DOCK9: variants seen among roughly 807,000 people sequenced by gnomAD.
The protein encoded by DOCK9 is dedicator of cytokinesis 9.
In DOCK9, 89 loss-of-function variants were observed where a neutral mutation model predicts 263.3. The ratio of observed to expected loss-of-function variants is 0.34; its 90% CI spans 0.28 to 0.40. The LOEUF is 0.40. Ranked by LOEUF, DOCK9 falls within the 10% of genes least tolerant of loss-of-function variation. The pLI is 1.00. For missense variants in DOCK9, 2,140 were observed against 2,603.4 expected, an observed-to-expected ratio of 0.82 and a Z score of 3.87; for synonymous variants, 976 against 973.1, an observed-to-expected ratio of 1.00 and a Z score of -0.06.
At chr13:99,011,671 G>A (rs903943031) in intron 1 of DOCK9, among the ~76,000 whole-genome samples, 3 of 152,176 alleles carry the variant, frequency 2.0e-5, no homozygotes, top group Admixed American at 2.0e-4. Context: ...ATAGCCCTAT[G>A]AGGCAAGTAC....
At position 98,955,446 on chromosome 13, in the gene DOCK9, C is replaced by A; in HGVS notation, c.232G>T (p.Asp78Tyr). The A allele has an allele frequency of 1.4e-5, 22 of 1,584,270 alleles. No homozygotes were observed. The highest frequency in any genetic ancestry group is 1.9e-5 in the Non-Finnish European group (22 of 1,163,094). ...CLREMLLFPY[D>Y]DFQTAILRRQ... is the part of the protein sequence containing the mutation. ...ATAACGTTACTTACCTGAAAGTCAT[C>A]GTAAGGGAAGAGCAGCATCTCCCGT... The change falls in exon 2 of 53, where the codon GAT becomes TAT. Residue 78 changes from aspartate (D) to tyrosine (Y), a missense_variant. Physicochemically the swap from Asp to Tyr is radical, Grantham distance 160. Coordinates refer to ENST00000682017, the MANE Select transcript of DOCK9 (RefSeq NM_001366683.2).
chr13:98,799,377 T>C (rs1354971140), intron 50 of DOCK9, among the ~76,000 whole-genome samples: 1 of 152,178 alleles, frequency 6.6e-6, no homozygotes, highest in Non-Finnish European at 1.5e-5. Context: ...TGAACAAACA[T>C]GTGCTTGAAC....
At chr13:99,032,104 C>T (rs1218465042) in intron 1 of DOCK9, among the ~76,000 whole-genome samples, 1 of 152,132 alleles carries the variant, frequency 6.6e-6, no homozygotes, top group Admixed American at 6.5e-5. Flanking sequence ...CTGGAGGTCA[C>T]CAGGAGATCA....
chr13:99,079,366 C>A (rs1336657950), intron 1 of DOCK9, among the ~76,000 whole-genome samples: 1 of 152,096 alleles, frequency 6.6e-6, no homozygotes, highest in Non-Finnish European at 1.5e-5. Context: ...ACTCAGCCCC[C>A]ATACCTACAC....
intron 15 of DOCK9, among the ~76,000 whole-genome samples, chr13:98,890,782 A>G (rs2046502216): frequency 6.6e-6 from 1 of 152,182 alleles, no homozygotes; most frequent in Non-Finnish European, 1.5e-5. Flanking sequence ...TAAAATTTCT[A>G]AATTCCTGCA....
intron 48 of DOCK9, among the ~76,000 whole-genome samples, chr13:98,807,250 C>A (rs1045158816): frequency 2.6e-5 from 4 of 152,188 alleles, no homozygotes; most frequent in African/African-American, 9.7e-5. Flanking sequence ...CTTGGCCTGT[C>A]CATGTGTCCA....
Position 98,902,982 on chromosome 13 carries a change from G to C in DOCK9, c.1166C>G (p.Pro389Arg), listed in dbSNP as rs1321352719. ...AAAATGAAAAATTACATTTGTAGTG[G>C]GTCCTTCTTCATTTTCGGCAACACA... The part of the protein sequence containing the change: ...QCCVAENEEG[P>R]TTNVEPFFVT... Residue 389 changes from proline to arginine, a missense_variant, in exon 11 of 53, where the codon CCC becomes CGC. By Grantham distance (103) the Pro-to-Arg change is moderately radical. Around this residue, in one of 2 missense-constraint regions of DOCK9, gnomAD observed 1,521 missense variants for 1,741.7 expected, o/e 0.87. Coordinates refer to ENST00000682017, the MANE Select transcript of DOCK9 (RefSeq NM_001366683.2). The C allele has an allele frequency of 1.3e-6, 2 of 1,507,492 alleles. No homozygotes were observed. Among genetic ancestry groups the C allele is most frequent in the African/African-American group, 1.4e-5 (1 of 69,952 alleles). The allele number at this position is 1,507,492 out of a possible 1,614,324, so 93.4% of individuals were successfully genotyped here. A position where few individuals can be genotyped will look rare whatever the true frequency, so the allele number is the denominator to read the frequency against.
chr13:98,971,625 A>G (rs1278052642), intron 1 of DOCK9, among the ~76,000 whole-genome samples: 2 of 151,888 alleles, frequency 1.3e-5, no homozygotes, highest in East Asian at 1.9e-4. Context: ...GGAGAATGGC[A>G]TGAACCCGGA....
intron 1 of DOCK9, among the ~76,000 whole-genome samples, chr13:99,035,994 A>G (rs1887832061): frequency 6.6e-6 from 1 of 152,150 alleles, no homozygotes; most frequent in Non-Finnish European, 1.5e-5. Flanking sequence ...TTGCAACATC[A>G]GCTCTTCTCT....
chr13:98,846,447 A>T, intron 37 of DOCK9: 2 of 1,183,104 alleles, frequency 1.7e-6, no homozygotes, highest in Middle Eastern at 2.2e-4. Flanking sequence ...TTAATTAAAA[A>T]ATGCATTGGA....
chr13:99,060,780 G>A (rs1459277174), intron 1 of DOCK9, among the ~76,000 whole-genome samples: 1 of 152,116 alleles, frequency 6.6e-6, no homozygotes, highest in African/African-American at 2.4e-5. Flanking sequence ...CACTATACTG[G>A]AACTGTCTGA....
At chr13:98,857,670 T>G (rs1344913097) in intron 33 of DOCK9, 1 of 152,216 alleles carries the variant, frequency 6.6e-6, no homozygotes, top group Non-Finnish European at 1.5e-5. Flanking sequence ...ACACTCAGAT[T>G]TATTCACTGC....
intron 13 of DOCK9, among the ~76,000 whole-genome samples, chr13:98,899,874 TC>T (rs2048012344): frequency 6.6e-6 from 1 of 152,192 alleles, no homozygotes; most frequent in African/African-American, 2.4e-5. Flanking sequence ...TGGGCTTTTT[TC>T]CCCTTCTTTT....
In DOCK9 at chr13:99,032,669, CAT is replaced by C. The variant is rs200977414; in HGVS notation, c.129+53552_129+53553del. ...GACATAAATTTATTAATTTACATGA[CAT>C]AAATTTATTAATTTATATGACAAAT... On this transcript the variant is annotated intron_variant, in intron 1 of 32. Transcript: ENST00000427887. Among the ~76,000 whole-genome samples, 117 of 144,034 alleles carry C rather than the reference CAT, an allele frequency of 8.1e-4. 2 individuals carry two copies. In the South Asian group the frequency reaches 0.024, roughly 29 times the overall value. 94.5% of individuals were successfully genotyped at this position (144,034 alleles called of 152,430 possible). A position where few individuals can be genotyped will look rare whatever the true frequency, so the allele number is the denominator to read the frequency against.
chr13:98,889,729 T>A (rs965609920), intron 15 of DOCK9, among the ~76,000 whole-genome samples: 4 of 152,212 alleles, frequency 2.6e-5, no homozygotes, highest in Admixed American at 6.5e-5. Flanking sequence ...ATACTACACA[T>A]TCTGAAGCCC....
chr13:98,996,390 A>C (rs1407304674), intron 1 of DOCK9, among the ~76,000 whole-genome samples: 1 of 152,248 alleles, frequency 6.6e-6, no homozygotes, highest in Admixed American at 6.5e-5. Context: ...TAGCTGACTT[A>C]TGTTATACCT....
chr13:98,836,223 G>A (rs371291767), intron 39 of DOCK9, among the ~76,000 whole-genome samples: 58 of 152,200 alleles, frequency 3.8e-4, no homozygotes, highest in East Asian at 3.7e-3. Context: ...TTATTTACCT[G>A]GTGGGGCACA....
rs373623272 is a variant in DOCK9, at chr13:99,060,237, C to G, written c.129+25986G>C. Among the ~76,000 whole-genome samples the G allele has an allele frequency of 6.5e-4, 99 of 151,916 alleles. 2 individuals are homozygous for G. Among genetic ancestry groups the G allele is most frequent in the African/African-American group, 2.3e-3 (96 of 41,444 alleles). The stretch of plus-strand genomic sequence containing the variant: ...TACAGGCACCCGTCACCGCACCCAG[C>G]TAAATTTTTTTGTATTTTTTTAGTA... On this transcript the variant is annotated intron_variant, in intron 1 of 32. Coordinates refer to the DOCK9 transcript ENST00000427887.
intron 1 of DOCK9, among the ~76,000 whole-genome samples, chr13:99,073,615 C>T (rs1036219235): frequency 2.0e-5 from 3 of 152,176 alleles, no homozygotes; most frequent in Admixed American, 2.0e-4. Flanking sequence ...GGGTTGGCAG[C>T]TTTATAGAAA....
Sources: allele counts gnomAD v4.1 joint callset (sites outside exome capture counted in the v4.1 genomes callset), GRCh38; gene constraint gnomAD v4.1.1; regional missense constraint gnomAD v4.1.1; transcripts MANE v1.5; gene names NCBI Gene and HGNC (gene_info 2026-07-23, HGNC 2026-07-21).